Variants in RBM17 observed in about 807,000 individuals in gnomAD.
The protein encoded by RBM17 is splicing factor 45.
In RBM17, 7 loss-of-function variants were observed where a neutral mutation model predicts 53.2. That is an observed-to-expected ratio of 0.13 (90% CI 0.07 to 0.25). The LOEUF (loss-of-function observed/expected upper bound fraction) is 0.25. Among genes scored for constraint, RBM17 ranks in the 10% least tolerant of loss-of-function variants. The pLI is 1.00. For synonymous variants in RBM17, 167 were observed against 178.1 expected, an observed-to-expected ratio of 0.94 and a Z score of 0.50; for missense variants, 257 against 496.7, an observed-to-expected ratio of 0.52 and a Z score of 4.59.
intron 7 of RBM17, among the ~76,000 whole-genome samples, chr10:6,110,466 A>G (rs1840821002): frequency 6.6e-6 from 1 of 152,234 alleles, no homozygotes; most frequent in Admixed American, 6.5e-5. Flanking sequence ...TCCAAAGGGC[A>G]GGTGATACCT....
chr10:6,108,821 CA>C, intron 6 of RBM17, 79 bp downstream of exon 6: 2 of 1,170,442 alleles, frequency 1.7e-6, no homozygotes, highest in South Asian at 2.6e-5. Context: ...CTTGGGCCCC[CA>C]GGTTTCCTGA....
At chr10:6,113,755 G>C (rs1301040409) in intron 9 of RBM17, among the ~76,000 whole-genome samples, 174 bp downstream of exon 9, 1 of 152,196 alleles carries the variant, frequency 6.6e-6, no homozygotes, top group Non-Finnish European at 1.5e-5. Flanking sequence ...AAGTCTCTTT[G>C]CTAAGTACAG....
chr10:6,107,328 C>T (rs1840765934), intron 5 of RBM17, among the ~76,000 whole-genome samples: 2 of 152,002 alleles, frequency 1.3e-5, no homozygotes, highest in African/African-American at 4.8e-5. Context: ...CAGGTGTGCG[C>T]TACCACGCCC....
intron 5 of RBM17, among the ~76,000 whole-genome samples, chr10:6,107,937 A>G (rs1840779070): frequency 6.6e-6 from 1 of 152,186 alleles, no homozygotes; most frequent in South Asian, 2.1e-4. Flanking sequence ...ATATGTTAGG[A>G]CTTATGCCTA....
At position 6,097,099 on chromosome 10, in the gene RBM17, A is replaced by C; in HGVS notation, c.34A>C (p.Ser12Arg). 6.2e-7 allele frequency: 1 copy of C among 1,613,948 alleles called. No homozygotes were observed. The highest frequency in any genetic ancestry group is 8.5e-7 in the Non-Finnish European group (1 of 1,179,954). ...GTACGATGACCTAGGAGTGGAGACC[A>C]GTGACTCAAAAACAGAAGGCTGGTC... ...SLYDDLGVET[S>R]DSKTEGWSKN... is the part of the protein sequence containing the mutation. Residue 12 changes from serine (S) to arginine (R), a missense_variant, in exon 2 of 12, where the codon AGT (serine) becomes CGT (arginine). Coordinates refer to ENST00000379888, the MANE Select transcript of RBM17 (RefSeq NM_032905.5).
rs41295153 is a variant in RBM17, at chr10:6,104,573, A to G, written c.241-358A>G. On this transcript the variant is annotated intron_variant, in intron 3 of 11. Coordinates refer to ENST00000379888, the MANE Select transcript of RBM17 (RefSeq NM_032905.5). ...GTTGTTTTATTTTTTAAGTTGTCAT[A>G]GAGATCTATAAAAACAAGTATTCAG... 1.7e-3 allele frequency among the ~76,000 whole-genome samples: 258 copies of G among 152,362 alleles called. No homozygotes were observed. The Middle Eastern group carries it at 0.02, about 12-fold the overall frequency.
intron 6 of RBM17, 66 bp downstream of exon 6, chr10:6,108,808 C>A: frequency 1.6e-6 from 2 of 1,270,960 alleles, no homozygotes; most frequent in Non-Finnish European, 2.3e-6. Context: ...TGGGGGATCT[C>A]AGCTTGGGCC....
intron 6 of RBM17, among the ~76,000 whole-genome samples, chr10:6,109,532 A>G (rs1179312666): frequency 6.6e-6 from 1 of 152,174 alleles, no homozygotes; most frequent in Non-Finnish European, 1.5e-5. Flanking sequence ...GGTTGAAGCC[A>G]CCGCTCCAGT....
chr10:6,091,165 T>C (rs1469656143), intron 1 of RBM17, among the ~76,000 whole-genome samples: 1 of 151,898 alleles, frequency 6.6e-6, no homozygotes, highest in Non-Finnish European at 1.5e-5. Context: ...TTCAAATGGT[T>C]CTCTGGCCTC....
chr10:6,102,007 TGAA>T (rs143834761), intron 3 of RBM17, among the ~76,000 whole-genome samples: 7,651 of 152,244 alleles, frequency 0.05, 302 homozygotes, highest in South Asian at 0.13. Flanking sequence ...TTATTGAGGA[TGAA>T]GAAGATCTGG....
chr10:6,094,304 C>T (rs997991525), intron 1 of RBM17, among the ~76,000 whole-genome samples: 1 of 152,082 alleles, frequency 6.6e-6, no homozygotes, highest in Non-Finnish European at 1.5e-5. Context: ...ACTTTGGGGT[C>T]ATGTTGTTGC....
intron 2 of RBM17, among the ~76,000 whole-genome samples, chr10:6,098,572 T>G (rs1554834987): frequency 1.6e-4 from 15 of 96,624 alleles, no homozygotes; most frequent in Admixed American, 4.0e-4. Context: ...TGTTTTTTTT[T>G]TTTTTTTTTT....
chr10:6,113,413 T>C, intron 8 of RBM17, 95 bp from the exon 9 acceptor site: 1 of 840,346 alleles, frequency 1.2e-6, no homozygotes, highest in Non-Finnish European at 2.0e-6. Context: ...CTATTGAAAT[T>C]AAATTAATTA....
chr10:6,104,407 TG>T (rs2132947110), intron 3 of RBM17, among the ~76,000 whole-genome samples: 1 of 152,300 alleles, frequency 6.6e-6, no homozygotes, highest in South Asian at 2.1e-4. Context: ...GCAGCCTACC[TG>T]GGAAGGGACA....
intron 9 of RBM17, among the ~76,000 whole-genome samples, 172 bp downstream of exon 9, chr10:6,113,753 T>C (rs1376670358): frequency 1.3e-5 from 2 of 152,240 alleles, no homozygotes; most frequent in African/African-American, 4.8e-5. Context: ...GTAAGTCTCT[T>C]TGCTAAGTAC....
chr10:6,093,997 CAG>C (rs1370985558), intron 1 of RBM17, among the ~76,000 whole-genome samples: 2 of 108,974 alleles, frequency 1.8e-5, no homozygotes, highest in Non-Finnish European at 3.5e-5. Flanking sequence ...TTTTTTGAGA[CAG>C]AGTCTCACTC....
chr10:6,108,068 A>G (rs1203299755), intron 5 of RBM17, among the ~76,000 whole-genome samples: 6 of 152,150 alleles, frequency 3.9e-5, no homozygotes, highest in African/African-American at 1.2e-4. Context: ...CAGGAAATAC[A>G]CCAGGAATAG....
chr10:6,109,844 TA>T, intron 6 of RBM17, 141 bp from the exon 7 acceptor site: 5 of 605,788 alleles, frequency 8.3e-6, no homozygotes, highest in Non-Finnish European at 1.1e-5. Flanking sequence ...ATAAAGGCTG[TA>T]AAATTGATTT....
chr10:6,099,091 AT>A (rs1465583139), intron 2 of RBM17, among the ~76,000 whole-genome samples: 2 of 150,844 alleles, frequency 1.3e-5, no homozygotes, highest in Non-Finnish European at 2.9e-5. Flanking sequence ...TTTCTCTTTA[AT>A]TTTTTTTAAA....
Sources: allele counts gnomAD v4.1 joint callset (sites outside exome capture counted in the v4.1 genomes callset), GRCh38; gene constraint gnomAD v4.1.1; transcripts MANE v1.5; gene names NCBI Gene and HGNC (gene_info 2026-07-23, HGNC 2026-07-21).